SLC25A35: variants seen among roughly 807,000 people sequenced by gnomAD.
SLC25A35 encodes solute carrier family 25 member 35.
In SLC25A35, 32 loss-of-function variants were observed where a neutral mutation model predicts 30.5. The ratio of observed to expected loss-of-function variants is 1.05; its 90% CI spans 0.79 to 1.41. The LOEUF (loss-of-function observed/expected upper bound fraction) is 1.41. Ranked by LOEUF, SLC25A35 falls within the 40% of genes most tolerant of loss-of-function variation. The pLI, the probability that SLC25A35 is intolerant of heterozygous loss-of-function variation, is 0.00. For missense variants in SLC25A35, 369 were observed against 388.0 expected (o/e 0.95, Z 0.41); for synonymous variants, 142 against 158.1 (o/e 0.90, Z 0.77).
chr17:8,292,523 C>T lies in SLC25A35; in HGVS notation c.441G>A (p.Gln147=), dbSNP rs1990583475. 6.2e-7 allele frequency: 1 copy of T among 1,613,882 alleles called. No homozygotes were observed. The highest frequency in any genetic ancestry group is 1.7e-5 in the Admixed American group (1 of 59,976). Reference sequence around the variant, plus strand: ...CTTTGGCAGACTTGGGAACCCTCACCTGATGCTTATACTGGTGCCCTACAG... The same window carrying T: ...CTTTGGCAGACTTGGGAACCCTCACTTGATGCTTATACTGGTGCCCTACAG... ...EIAVGHQYKH[Q]GMFQALTEIG... is the part of the protein sequence containing the mutation. The change falls in exon 2 of 5, where the codon CAG becomes CAA. Residue 147 remains glutamine, a splice_region_variant and synonymous_variant. Coordinates refer to ENST00000577745, the MANE Select transcript of SLC25A35 (RefSeq NM_001320870.2).
At chr17:8,289,206 C>G, downstream of SLC25A35, 1 of 1,607,370 alleles carries the variant, frequency 6.2e-7, no homozygotes, top group Non-Finnish European at 8.5e-7. Context: ...TAAAGATGCT[C>G]CCGGGGAGGC....
intron 2 of SLC25A35, 62 bp downstream of exon 2, chr17:8,292,461 C>T: frequency 6.5e-7 from 1 of 1,528,662 alleles, no homozygotes; most frequent in Admixed American, 1.7e-5. Context: ...TGGGTGCAGG[C>T]AGAAAGCTAG....
downstream of SLC25A35, chr17:8,289,926 G>T (rs547041882): frequency 5.6e-6 from 9 of 1,614,114 alleles, no homozygotes; most frequent in South Asian, 7.7e-5. Flanking sequence ...AACATCTTTG[G>T]TCCCCAGTAA....
At chr17:8,288,629 G>A, downstream of SLC25A35, 2 of 835,444 alleles carry the variant, frequency 2.4e-6, no homozygotes, top group South Asian at 1.4e-5. Flanking sequence ...GCGCCGATTG[G>A]CCAACGAGAG....
At chr17:8,289,952 G>C, downstream of SLC25A35, 1 of 1,614,090 alleles carries the variant, frequency 6.2e-7, no homozygotes, top group Non-Finnish European at 8.5e-7. Context: ...CTGAAGCACT[G>C]CATGATGTTG....
Position 8,290,862 on chromosome 17 carries a change from G to A in SLC25A35, c.709C>T (p.Pro237Ser), listed in dbSNP as rs1268205960. 6.2e-7 allele frequency: 1 copy of A among 1,614,004 alleles called. No homozygotes were observed. The highest frequency in any genetic ancestry group is 1.7e-5 in the Admixed American group (1 of 60,006). ...DVACTRLYNQPTDAQGKGLMY... is the reference protein window; with the variant it reads ...DVACTRLYNQSTDAQGKGLMY... ...CTTACCTTGCCCTGTGCATCTGTGG[G>A]CTGGTTGTAGAGCCTTGTGCAGGCC... Residue 237 changes from proline (P) to serine (S), a missense_variant, in exon 4 of 5, where the codon CCC becomes TCC. By Grantham distance (74) the Pro-to-Ser change is moderately conservative. Coordinates refer to ENST00000577745, the MANE Select transcript of SLC25A35 (RefSeq NM_001320870.2).
intron 3 of SLC25A35, 22 bp downstream of exon 3, chr17:8,291,311 C>T: frequency 6.2e-7 from 1 of 1,613,058 alleles, no homozygotes; most frequent in Non-Finnish European, 8.5e-7. Flanking sequence ...CGAAACAGAC[C>T]CACCCATTTC....
At position 8,290,959 on chromosome 17, in the gene SLC25A35, G is replaced by C; in HGVS notation, c.612C>G (p.Ser204Arg). 6.2e-7 allele frequency: 1 copy of C among 1,614,092 alleles called. No homozygotes were observed. Among genetic ancestry groups the C allele is most frequent in the African/African-American group, 1.3e-5 (1 of 75,044 alleles). The change falls in exon 4 of 5, where the codon AGC becomes AGG. Residue 204 changes from serine (S) to arginine (R), a missense_variant. Coordinates refer to ENST00000577745, the MANE Select transcript of SLC25A35 (RefSeq NM_001320870.2). ...LSQWEIFPPQ[S>R]WKLALVAAMM... ...TGGCAGCCACCAGCGCCAACTTCCA[G>C]CTCTGGGGAGGAAAGATCTAAGGGG...
intron 1 of SLC25A35, among the ~76,000 whole-genome samples, chr17:8,293,552 CT>C (rs3033783): frequency 0.42 from 54,676 of 128,772 alleles, 9,809 homozygotes; most frequent in Non-Finnish European, 0.49. Context: ...TCTTTCTTTT[CT>C]TTTTTTTTTT....
At chr17:8,292,691 G>T in intron 1 of SLC25A35, 103 bp from the exon 2 acceptor site, 1 of 930,502 alleles carries the variant, frequency 1.1e-6, no homozygotes, top group East Asian at 2.4e-5. Context: ...GTTCAGCAAT[G>T]AATAGCCTCT....
At chr17:8,288,956 C>G (rs1191810045), downstream of SLC25A35, 9 of 1,614,000 alleles carry the variant, frequency 5.6e-6, no homozygotes, top group Non-Finnish European at 7.6e-6. Flanking sequence ...CTCACTCCAG[C>G]GACCTCCGAC....
Position 8,294,748 on chromosome 17 carries a change from C to T in SLC25A35, c.60G>A (p.Leu20=). 4 of 1,613,620 alleles carry T rather than the reference C, an allele frequency of 2.5e-6. No homozygotes were observed. Among genetic ancestry groups the T allele is most frequent in the Non-Finnish European group, 3.4e-6 (4 of 1,179,732 alleles). The change falls in exon 1 of 5, where the codon CTG becomes CTA. Residue 20 remains leucine (L), a synonymous_variant. Coordinates refer to ENST00000577745, the MANE Select transcript of SLC25A35 (RefSeq NM_001320870.2). ...ACGACVFTNP[L]EVVKTRMQLQ... ...ACTGCATCCTGGTCTTCACCACCTC[C>T]AGGGGATTGGTGAATACACAGGCCC...
Position 8,290,166 on chromosome 17 carries a change from G to C in SLC25A35, c.*339C>G. 7 of 1,435,758 alleles carry C rather than the reference G, an allele frequency of 4.9e-6. No homozygotes were observed. Among genetic ancestry groups the C allele is most frequent in the Non-Finnish European group, 6.4e-6 (7 of 1,099,696 alleles). 88.9% of individuals were successfully genotyped at this position (1,435,758 alleles called of 1,614,324 possible). On this transcript the variant is annotated 3_prime_UTR_variant, in exon 5 of 5. Coordinates refer to ENST00000577745, the MANE Select transcript of SLC25A35 (RefSeq NM_001320870.2). ...GAATTGGGTCTCTCGATTCCCTTTG[G>C]TTTTGGAGGGAGGAGTTTAAAACTG... is the stretch of plus-strand genomic sequence containing the variant.
chr17:8,288,431 A>G, downstream of SLC25A35: 1 of 365,184 alleles, frequency 2.7e-6, no homozygotes, highest in East Asian at 6.5e-5. Flanking sequence ...ACACAGCGAG[A>G]CCTGTCAATC....
chr17:8,289,906 T>G, downstream of SLC25A35: 1 of 1,614,110 alleles, frequency 6.2e-7, no homozygotes, highest in Non-Finnish European at 8.5e-7. Context: ...GTCTGACCCT[T>G]CACGATCCTA....
chr17:8,289,840 C>T (rs762346321), downstream of SLC25A35: 93 of 1,613,988 alleles, frequency 5.8e-5, no homozygotes, highest in Non-Finnish European at 7.3e-5. Flanking sequence ...CTCTTGGCCC[C>T]GAAAATCTGT....
chr17:8,292,434 G>T lies in SLC25A35; in HGVS notation c.441+89C>A, dbSNP rs572475339. The stretch of plus-strand genomic sequence containing the variant: ...AACCGATGGGTTGAGCAGAGCAGTG[G>T]CTGGGATTGGATCTGTTGGGTGCAG... On this transcript the variant is annotated intron_variant, in intron 2 of 4. Coordinates refer to ENST00000577745, the MANE Select transcript of SLC25A35 (RefSeq NM_001320870.2). 5 of 1,287,944 alleles carry T rather than the reference G, an allele frequency of 3.9e-6. No individual in the cohort carries two copies. The East Asian group carries it at 9.3e-5, about 24-fold the overall frequency. 79.8% of individuals were successfully genotyped at this position (1,287,944 alleles called of 1,614,324 possible).
At chr17:8,292,773 A>AG (rs1194770697) in intron 1 of SLC25A35, among the ~76,000 whole-genome samples, 185 bp from the exon 2 acceptor site, 1 of 152,170 alleles carries the variant, frequency 6.6e-6, no homozygotes, top group Non-Finnish European at 1.5e-5. Context: ...CTCCAGCCCC[A>AG]GGGGGGTGGA....
At chr17:8,293,233 A>G (rs1462927968) in intron 1 of SLC25A35, among the ~76,000 whole-genome samples, 1 of 152,084 alleles carries the variant, frequency 6.6e-6, no homozygotes, top group Non-Finnish European at 1.5e-5. Flanking sequence ...CCCTTCACCT[A>G]TACCAGATAA....
Sources: gnomAD v4.1 joint callset for allele counts (sites outside exome capture counted in the v4.1 genomes callset) on GRCh38, gnomAD v4.1.1 for gene constraint, MANE v1.5 for transcripts, NCBI Gene and HGNC (gene_info 2026-07-23, HGNC 2026-07-21) for gene names.